The following ZDBF2 variants were observed in gnomAD, a reference collection of about 807,000 sequenced individuals.
ZDBF2 encodes the protein DBF4-type zinc finger-containing protein 2.
A neutral mutation model predicts 9.4 loss-of-function variants in ZDBF2; 6 were observed. The ratio of observed to expected loss-of-function variants is 0.64; its 90% CI spans 0.35 to 1.27. ZDBF2 has a LOEUF of 1.27. Among genes scored for constraint, ZDBF2 ranks in the 50% most tolerant of loss-of-function variants. The probability of loss-of-function intolerance (pLI) is 0.03; values close to 1 mark genes in which losing one functional copy is unlikely to be tolerated. For missense variants in ZDBF2, 2,697 were observed against 2,766.8 expected (o/e 0.97, Z 0.57); for synonymous variants, 905 against 946.3 (o/e 0.96, Z 0.80).
intron 3 of ZDBF2, among the ~76,000 whole-genome samples, chr2:206,290,604 T>G (rs915592282): frequency 1.3e-5 from 2 of 152,256 alleles, no homozygotes; most frequent in African/African-American, 4.8e-5. Context: ...TTCTTTTTGA[T>G]GCTATTGTAA....
chr2:206,281,023 G>A (rs1397215004), intron 2 of ZDBF2, among the ~76,000 whole-genome samples: 2 of 152,148 alleles, frequency 1.3e-5, no homozygotes, highest in Non-Finnish European at 2.9e-5. Context: ...GGTAGGGCAT[G>A]AAAATTACTG....
rs1367303272 is a variant in ZDBF2 at position 206,306,040 on chromosome 2, C to T, written c.1512C>T (p.Ser504=). Residue 504 remains serine (S), a synonymous_variant, in exon 5 of 5, where the codon TCC becomes TCT. Coordinates refer to ENST00000374423, the MANE Select transcript of ZDBF2 (RefSeq NM_020923.3). ...TNFDCDASPQ[S]TSDYPQQSVT... ...TTGATTGTGATGCTTCACCTCAGTC[C>T]ACTAGTGACTACCCCCAACAATCTG... 1.8e-5 allele frequency: 29 copies of T among 1,613,468 alleles called. No individual in the cohort carries two copies. The highest frequency in any genetic ancestry group is 2.4e-5 in the Non-Finnish European group (28 of 1,179,736).
chr2:206,276,735 T>TACCGGAGA (rs1389498131), intron 1 of ZDBF2, among the ~76,000 whole-genome samples: 1 of 152,250 alleles, frequency 6.6e-6, no homozygotes, highest in East Asian at 1.9e-4. Context: ...TCATGGCAGC[T>TACCGGAGA]ACCTTATAAA....
At chr2:206,301,742 C>T (rs1201466378) in intron 4 of ZDBF2, among the ~76,000 whole-genome samples, 1 of 151,986 alleles carries the variant, frequency 6.6e-6, no homozygotes, top group Non-Finnish European at 1.5e-5. Flanking sequence ...TCCTGAAAAT[C>T]AGTTCTTGCT....
rs1692858657 is a variant in ZDBF2 at position 206,307,313 on chromosome 2, G to A, written c.2785G>A (p.Gly929Arg). The change falls in exon 5 of 5, where the codon GGA becomes AGA. Residue 929 changes from glycine (G) to arginine (R), a missense_variant. Physicochemically the swap from Gly to Arg is moderately radical, Grantham distance 125. This residue lies in a region of ZDBF2 where 1,783 missense variants were observed against 1,776.5 expected (regional missense o/e 1.00). Transcript: ENST00000374423. ...TAATATCATTTTTCATTCAGTGACT[G>A]GACGTTCTGAAGATCCCATTAAAGA... ...DYNIIFHSVT[G>R]RSEDPIKEIS... The A allele has an allele frequency of 6.2e-7, 1 of 1,611,744 alleles. No homozygotes were observed. Among genetic ancestry groups the A allele is most frequent in the East Asian group, 2.2e-5 (1 of 44,860 alleles).
chr2:206,275,058 G>T (rs2105885182), intron 1 of ZDBF2, 112 bp downstream of exon 1: 1 of 151,844 alleles, frequency 6.6e-6, no homozygotes, highest in South Asian at 2.1e-4. Flanking sequence ...CCGCTCGCTG[G>T]GCTCCCGCGG....
chr2:206,307,779 C>T lies in ZDBF2; in HGVS notation c.3251C>T (p.Ser1084Phe), dbSNP rs368710532. 2 of 1,610,486 alleles carry T rather than the reference C, an allele frequency of 1.2e-6. No homozygotes were observed. The highest frequency in any genetic ancestry group is 1.7e-6 in the Non-Finnish European group (2 of 1,179,068). Residue 1084 changes from serine (S) to phenylalanine (F), a missense_variant, in exon 5 of 5, where the codon TCT (serine) becomes TTT (phenylalanine). Transcript: ENST00000374423. ...GGTGATTCTAAAATAACTTTTGATT[C>T]TGAACAACTTCAGGAAGCGGTTAAA... is the stretch of plus-strand genomic sequence containing the variant. ...KSGDSKITFD[S>F]EQLQEAVKKI...
chr2:206,299,946 A>G (rs1183965967), intron 4 of ZDBF2, among the ~76,000 whole-genome samples: 4 of 152,110 alleles, frequency 2.6e-5, no homozygotes, highest in Non-Finnish European at 5.9e-5. Flanking sequence ...TGCCTTTACT[A>G]AAAATACAAA....
rs1693281321 is a variant in ZDBF2 at position 206,313,503 on chromosome 2, C to T, written c.*1910C>T. On this transcript the variant is annotated 3_prime_UTR_variant, in exon 5 of 5. Transcript: ENST00000374423. The stretch of plus-strand genomic sequence containing the variant: ...TACTGACTAGGAAGTAAACAAACAG[C>T]TGATATATAAGATATTTGTGGGTAT... 2 of 152,074 alleles carry T rather than the reference C, an allele frequency of 1.3e-5. No individual in the cohort carries two copies. Among genetic ancestry groups the T allele is most frequent in the Non-Finnish European group, 2.9e-5 (2 of 67,994 alleles). The allele number at this position is 152,074 out of a possible 1,614,324, so 9.4% of individuals were successfully genotyped here. A position where few individuals can be genotyped will look rare whatever the true frequency, so the allele number is the denominator to read the frequency against.
At position 206,309,508 on chromosome 2, in the gene ZDBF2, T is replaced by C. The variant is rs1320615514; in HGVS notation, c.4980T>C (p.Tyr1660=). The change falls in exon 5 of 5, where the codon TAT becomes TAC. Residue 1660 remains tyrosine, a synonymous_variant. Coordinates refer to ENST00000374423, the MANE Select transcript of ZDBF2 (RefSeq NM_020923.3). ...ATTCAGAAGATAAGAGCTGTGGATA[T>C]AATGGTTCTAAAGGAAAATTTAATT... is the stretch of plus-strand genomic sequence containing the variant. The part of the protein sequence containing the change: ...YIDSEDKSCG[Y]NGSKGKFNLE... The C allele has an allele frequency of 1.9e-6, 3 of 1,613,852 alleles. No homozygotes were observed. The highest frequency in any genetic ancestry group is 2.5e-6 in the Non-Finnish European group (3 of 1,179,894).
Position 206,306,957 on chromosome 2 carries a change from A to T in ZDBF2, c.2429A>T (p.Tyr810Phe). 1 of 1,613,738 alleles carries T rather than the reference A, an allele frequency of 6.2e-7. No homozygotes were observed. Among genetic ancestry groups the T allele is most frequent in the Non-Finnish European group, 8.5e-7 (1 of 1,179,760 alleles). The stretch of plus-strand genomic sequence containing the variant: ...ATTGACCAACCTGAAGTAGCTGTTT[A>T]TGAGGAAGAAACTGTTGATCTGGAA... The part of the protein sequence containing the change: ...SVIDQPEVAV[Y>F]EEETVDLESK... Residue 810 changes from tyrosine (Y) to phenylalanine (F), a missense_variant, in exon 5 of 5, where the codon TAT (tyrosine) becomes TTT (phenylalanine). Tyr to Phe is a conservative substitution (Grantham distance 22). Coordinates refer to ENST00000374423, the MANE Select transcript of ZDBF2 (RefSeq NM_020923.3).
intron 1 of ZDBF2, among the ~76,000 whole-genome samples, chr2:206,275,647 AC>A (rs976339348): frequency 6.6e-6 from 1 of 150,730 alleles, no homozygotes; most frequent in Admixed American, 6.6e-5. Flanking sequence ...CCAAAACCCC[AC>A]CCCCACCTAA....
chr2:206,302,015 C>T (rs1365962061), intron 4 of ZDBF2, among the ~76,000 whole-genome samples: 1 of 149,310 alleles, frequency 6.7e-6, no homozygotes, highest in Non-Finnish European at 1.5e-5. Context: ...AAGAGTTTAG[C>T]TGTTTTTTGT....
intron 4 of ZDBF2, among the ~76,000 whole-genome samples, chr2:206,299,171 A>G (rs981707382): frequency 7.9e-5 from 12 of 151,974 alleles, no homozygotes; most frequent in Non-Finnish European, 1.6e-4. Flanking sequence ...GTGAGCCAAC[A>G]CGCCCGGCCA....
chr2:206,307,558 A>G lies in ZDBF2; in HGVS notation c.3030A>G (p.Ser1010=), dbSNP rs1264787659. The part of the protein sequence containing the change: ...TSLDSGVPHY[S]VTEPQVAVNK... ...TAGATTCTGGTGTCCCTCATTATTC[A>G]GTAACTGAACCTCAAGTAGCTGTTA... Residue 1010 remains serine, a synonymous_variant, in exon 5 of 5, where the codon TCA becomes TCG. Coordinates refer to ENST00000374423, the MANE Select transcript of ZDBF2 (RefSeq NM_020923.3). 3 of 1,613,786 alleles carry G rather than the reference A, an allele frequency of 1.9e-6. No individual in the cohort carries two copies. The highest frequency in any genetic ancestry group is 2.5e-6 in the Non-Finnish European group (3 of 1,179,752).
chr2:206,279,548 C>T lies in ZDBF2; in HGVS notation c.-94C>T, dbSNP rs1382555027. ...TTTATTTTAATTTACAGATACTTGC[C>T]AGAACTAATACAGCTGATGAAATAC... On this transcript the variant is annotated 5_prime_UTR_variant, in exon 2 of 5. Coordinates refer to ENST00000374423, the MANE Select transcript of ZDBF2 (RefSeq NM_020923.3). 1 of 152,010 alleles carries T rather than the reference C, an allele frequency of 6.6e-6. No homozygotes were observed. The highest frequency in any genetic ancestry group is 2.4e-5 in the African/African-American group (1 of 41,366). 9.4% of individuals were successfully genotyped at this position (152,010 alleles called of 1,614,324 possible).
intron 3 of ZDBF2, among the ~76,000 whole-genome samples, chr2:206,285,815 G>T (rs186158625): frequency 3.2e-4 from 48 of 152,244 alleles, no homozygotes; most frequent in African/African-American, 8.7e-4. Flanking sequence ...ATTTTGAGTT[G>T]ATTTTTGTGT....
intron 3 of ZDBF2, among the ~76,000 whole-genome samples, chr2:206,282,656 G>A (rs957158468): frequency 6.6e-6 from 1 of 152,094 alleles, no homozygotes; most frequent in African/African-American, 2.4e-5. Flanking sequence ...GTTTTAAAAG[G>A]TTCATTCTGG....
chr2:206,295,369 T>C (rs567769140), intron 3 of ZDBF2, among the ~76,000 whole-genome samples: 6 of 144,268 alleles, frequency 4.2e-5, no homozygotes, highest in African/African-American at 7.7e-5. Context: ...TTTTCTTTTT[T>C]TTTTTTTTTT....
Sources: allele counts gnomAD v4.1 joint callset (sites outside exome capture counted in the v4.1 genomes callset), GRCh38; gene constraint gnomAD v4.1.1; regional missense constraint gnomAD v4.1.1; transcripts MANE v1.5; gene names NCBI Gene and HGNC (gene_info 2026-07-23, HGNC 2026-07-21).